Variants in NR3C1 observed in about 807,000 individuals in gnomAD.
NR3C1 encodes the protein glucocorticoid receptor.
A neutral mutation model predicts 74.0 loss-of-function variants in NR3C1; 14 were observed. The observed-to-expected ratio is 0.19, with a 90% confidence interval of 0.12 to 0.30. The LOEUF (loss-of-function observed/expected upper bound fraction) is 0.30, where lower values mean the gene tolerates loss of function less well. NR3C1 is among the 10% of genes least tolerant of loss of function. The probability of loss-of-function intolerance (pLI) is 1.00; values close to 1 mark genes in which losing one functional copy is unlikely to be tolerated. For missense variants in NR3C1, 695 were observed against 909.8 expected (o/e 0.76, Z 3.04); for synonymous variants, 308 against 332.5 (o/e 0.93, Z 0.80).
intron 2 of NR3C1, among the ~76,000 whole-genome samples, chr5:143,358,140 C>T (rs532920242): frequency 1.3e-5 from 2 of 152,278 alleles, no homozygotes; most frequent in Admixed American, 1.3e-4. Flanking sequence ...TCTTCCCATC[C>T]TCTCTTGCCA....
At chr5:143,310,430 A>G (rs183802561) in intron 3 of NR3C1, among the ~76,000 whole-genome samples, 18 of 152,284 alleles carry the variant, frequency 1.2e-4, no homozygotes, top group African/African-American at 4.1e-4. Context: ...AAACAGTGCA[A>G]TAAAAAACCT....
In NR3C1 at chr5:143,432,177, CA is replaced by C. The variant is rs552062371; in HGVS notation, c.-14+2354del. 7.9e-5 allele frequency among the ~76,000 whole-genome samples: 12 copies of C among 152,314 alleles called. 1 individual carries two copies. In the East Asian group the frequency reaches 2.3e-3, roughly 29 times the overall value. On this transcript the variant is annotated intron_variant, in intron 1 of 8. Coordinates refer to the NR3C1 transcript ENST00000343796. ...ACAGTGCCAGCCTAGCTGAATGTAG[CA>C]CCAAGTGTGTTCATCTCACTTTGCT...
chr5:143,285,330 G>C (rs1814152791), intron 7 of NR3C1, among the ~76,000 whole-genome samples: 1 of 152,110 alleles, frequency 6.6e-6, no homozygotes, highest in Admixed American at 6.6e-5. Context: ...AAAAGGGAGG[G>C]GGAGATTTTG....
intron 3 of NR3C1, among the ~76,000 whole-genome samples, chr5:143,310,858 A>T (rs1016372779): frequency 6.6e-6 from 1 of 151,958 alleles, no homozygotes; most frequent in African/African-American, 2.4e-5. Context: ...GGGTTTCACC[A>T]TGTTGGCTAG....
chr5:143,294,295 A>T, intron 7 of NR3C1: 1 of 957,702 alleles, frequency 1.0e-6, no homozygotes, highest in Non-Finnish European at 1.2e-6. Flanking sequence ...TTTGTATATG[A>T]AAGAGGTATT....
chr5:143,417,454 T>G (rs1210263233), intron 1 of NR3C1, among the ~76,000 whole-genome samples: 3 of 152,170 alleles, frequency 2.0e-5, no homozygotes, highest in Admixed American at 6.5e-5. Context: ...TACCTCCTAG[T>G]AGACACATGT....
intron 2 of NR3C1, among the ~76,000 whole-genome samples, chr5:143,364,801 G>C (rs1832912595): frequency 6.6e-6 from 1 of 152,052 alleles, no homozygotes; most frequent in Admixed American, 6.5e-5. Flanking sequence ...AACCTCCTGG[G>C]CTCAAGCTAT....
intron 1 of NR3C1, among the ~76,000 whole-genome samples, chr5:143,418,413 T>G (rs1412901073): frequency 6.6e-6 from 1 of 152,212 alleles, no homozygotes; most frequent in Non-Finnish European, 1.5e-5. Context: ...TTGGACTGTT[T>G]GCCTTTTTCT....
At chr5:143,419,335 T>C (rs1190867124) in intron 1 of NR3C1, among the ~76,000 whole-genome samples, 1 of 152,230 alleles carries the variant, frequency 6.6e-6, no homozygotes, top group East Asian at 1.9e-4. Flanking sequence ...AAATATATTT[T>C]GTTTATAAAT....
chr5:143,307,491 GA>G (rs2151589818), intron 4 of NR3C1, among the ~76,000 whole-genome samples: 1 of 152,166 alleles, frequency 6.6e-6, no homozygotes, highest in South Asian at 2.1e-4. Context: ...AAATTGCCCA[GA>G]AAAACATTAT....
At chr5:143,342,577 CAGT>C (rs1204671899) in intron 2 of NR3C1, among the ~76,000 whole-genome samples, 7 of 152,138 alleles carry the variant, frequency 4.6e-5, no homozygotes, top group African/African-American at 1.7e-4. Context: ...ACCTTCATAG[CAGT>C]ATGAGAATAT....
intron 2 of NR3C1, among the ~76,000 whole-genome samples, chr5:143,341,551 T>A (rs1222825938): frequency 2.6e-5 from 4 of 152,220 alleles, no homozygotes; most frequent in Non-Finnish European, 4.4e-5. Context: ...CCAAGTAACA[T>A]CCCTTTCAAA....
chr5:143,427,794 A>T (rs1323963803), intron 1 of NR3C1, among the ~76,000 whole-genome samples: 1 of 152,170 alleles, frequency 6.6e-6, no homozygotes, highest in East Asian at 1.9e-4. Context: ...TTCAAATCTC[A>T]TCTCTACCAC....
intron 2 of NR3C1, among the ~76,000 whole-genome samples, chr5:143,351,915 CCATTT>C (rs757414706): frequency 2.6e-5 from 4 of 152,024 alleles, no homozygotes; most frequent in Non-Finnish European, 5.9e-5. Flanking sequence ...AGGTAAAAAG[CCATTT>C]TAGGCTTTCA....
At chr5:143,310,847 A>G (rs1323097283) in intron 3 of NR3C1, among the ~76,000 whole-genome samples, 3 of 152,044 alleles carry the variant, frequency 2.0e-5, no homozygotes, top group Admixed American at 6.5e-5. Flanking sequence ...TAGTAGAGAC[A>G]GGGTTTCACC....
chr5:143,330,750 T>C (rs1040005321), intron 2 of NR3C1, among the ~76,000 whole-genome samples: 3 of 152,162 alleles, frequency 2.0e-5, no homozygotes, highest in Admixed American at 2.0e-4. Flanking sequence ...ATTACCAACA[T>C]AATTTTTAGA....
intron 7 of NR3C1, among the ~76,000 whole-genome samples, chr5:143,286,283 A>G (rs942170037): frequency 6.6e-6 from 1 of 152,172 alleles, no homozygotes; most frequent in African/African-American, 2.4e-5. Flanking sequence ...CGTTTAAGAA[A>G]GAAATAATAC....
intron 1 of NR3C1, among the ~76,000 whole-genome samples, chr5:143,420,443 G>A (rs1045319231): frequency 2.0e-5 from 3 of 152,250 alleles, no homozygotes; most frequent in Admixed American, 6.5e-5. Context: ...CACAATCCAC[G>A]TTCTTCTGCC....
In NR3C1 at chr5:143,300,371, G is replaced by T; in HGVS notation, c.1747+114C>A. ...CTGACTCTCCCCTTCATAGTCCCCA[G>T]AACTAAGAGAAACAAGATAAGCCAT... On this transcript the variant is annotated intron_variant, in intron 5 of 8. Coordinates refer to ENST00000394464, the MANE Select transcript of NR3C1 (RefSeq NM_000176.3). The surrounding 1 kb of genome is among the most constrained non-coding windows in gnomAD (Gnocchi z 5.2). 7 of 1,316,192 alleles carry T rather than the reference G, an allele frequency of 5.3e-6. No homozygotes were observed. The highest frequency in any genetic ancestry group is 7.6e-6 in the Non-Finnish European group (7 of 917,926). 81.5% of individuals were successfully genotyped at this position (1,316,192 alleles called of 1,614,324 possible). A position where few individuals can be genotyped will look rare whatever the true frequency, so the allele number is the denominator to read the frequency against.
Sources: allele counts gnomAD v4.1 joint callset (sites outside exome capture counted in the v4.1 genomes callset), GRCh38; gene constraint gnomAD v4.1.1; non-coding constraint Gnocchi (gnomAD v3.1); transcripts MANE v1.5; gene names NCBI Gene and HGNC (gene_info 2026-07-23, HGNC 2026-07-21).